Variants in HBS1L observed in about 807,000 individuals in gnomAD.
HBS1L encodes HBS1 like translational GTPase.
A neutral mutation model predicts 88.9 loss-of-function variants in HBS1L; 55 were observed. The observed-to-expected ratio is 0.62, with a 90% CI of 0.50 to 0.77. The LOEUF is 0.77. Among genes scored for constraint, HBS1L ranks in the 30% least tolerant of loss-of-function variants. The pLI is 0.00. For missense variants in HBS1L, 741 were observed against 829.3 expected, an observed-to-expected ratio of 0.89 and a Z score of 1.31; for synonymous variants, 267 against 288.5, an observed-to-expected ratio of 0.93 and a Z score of 0.76.
chr6:135,029,521 C>T (rs1776327925), intron 4 of HBS1L, among the ~76,000 whole-genome samples: 1 of 151,854 alleles, frequency 6.6e-6, no homozygotes, highest in Non-Finnish European at 1.5e-5. Context: ...AAAACATTTT[C>T]CAATTATCAG....
Position 134,964,108 on chromosome 6 carries a change from G to A in HBS1L, c.*1171C>T, listed in dbSNP as rs1774246054. 6.6e-6 allele frequency: 1 copy of A among 152,052 alleles called. No individual in the cohort carries two copies. The highest frequency in any genetic ancestry group is 1.5e-5 in the Non-Finnish European group (1 of 68,020). 9.4% of individuals were successfully genotyped at this position (152,052 alleles called of 1,614,324 possible). On this transcript the variant is annotated 3_prime_UTR_variant, in exon 18 of 18. Coordinates refer to ENST00000367837, the MANE Select transcript of HBS1L (RefSeq NM_006620.4). ...AGATGTTATTGCTTATGTTCAAAAT[G>A]TCAGGTTCACGAAAAGGTGCAGGGA...
At chr6:134,991,079 AC>A (rs1775122790) in intron 8 of HBS1L, among the ~76,000 whole-genome samples, 1 of 150,952 alleles carries the variant, frequency 6.6e-6, no homozygotes, top group Non-Finnish European at 1.5e-5. Flanking sequence ...ACACACACAC[AC>A]ACATATACAC....
intron 4 of HBS1L, among the ~76,000 whole-genome samples, chr6:135,033,804 G>A (rs1776455019): frequency 6.6e-6 from 1 of 151,766 alleles, no homozygotes; most frequent in Non-Finnish European, 1.5e-5. Flanking sequence ...AGTATTTGGG[G>A]ATTCATGTGC....
rs949577949 is a variant in HBS1L, at chr6:135,039,803, A to C, written c.236-36T>G. 6 of 1,519,562 alleles carry C rather than the reference A, an allele frequency of 3.9e-6. No individual in the cohort carries two copies. In the African/African-American group the frequency reaches 8.4e-5, roughly 21 times the overall value. The allele number at this position is 1,519,562 out of a possible 1,614,324, so 94.1% of individuals were successfully genotyped here. A position where few individuals can be genotyped will look rare whatever the true frequency, so the allele number is the denominator to read the frequency against. ...CGACAATGGTCAAAAGCTATACTAA[A>C]TGGTGCAATGAAAGAACTTTTAATC... On this transcript the variant is annotated intron_variant, in intron 3 of 17. Transcript: ENST00000367837.
chr6:134,978,588 G>C, intron 15 of HBS1L, 91 bp downstream of exon 15: 1 of 636,422 alleles, frequency 1.6e-6, no homozygotes, highest in South Asian at 2.4e-5. Context: ...AATAAATATA[G>C]TATCACCACT....
intron 4 of HBS1L, among the ~76,000 whole-genome samples, chr6:135,005,815 T>G (rs1775595047): frequency 3.3e-5 from 5 of 152,202 alleles, no homozygotes; most frequent in Admixed American, 3.3e-4. Flanking sequence ...GTTTAGGAAC[T>G]GCAAAATGAA....
chr6:135,006,665 T>C (rs950860043), intron 4 of HBS1L, among the ~76,000 whole-genome samples: 4 of 151,804 alleles, frequency 2.6e-5, no homozygotes, highest in Admixed American at 6.6e-5. Context: ...ACTAGGAAAA[T>C]AGATTGAGAA....
At chr6:135,023,399 G>A (rs551844216) in intron 4 of HBS1L, among the ~76,000 whole-genome samples, 6 of 152,018 alleles carry the variant, frequency 3.9e-5, no homozygotes, top group Non-Finnish European at 7.4e-5. Flanking sequence ...AGCCGATTTC[G>A]CGCCACTGCA....
chr6:135,015,255 A>G (rs1775886085), intron 4 of HBS1L, among the ~76,000 whole-genome samples: 1 of 152,244 alleles, frequency 6.6e-6, no homozygotes. Context: ...TACCTTCCTC[A>G]TAGAATCCTT....
intron 4 of HBS1L, among the ~76,000 whole-genome samples, chr6:135,010,539 G>C (rs1177569680): frequency 6.6e-6 from 1 of 152,046 alleles, no homozygotes; most frequent in African/African-American, 2.4e-5. Context: ...ATGATTTTAG[G>C]TGATAATAGG....
chr6:134,965,300 C>CAA lies in HBS1L; in HGVS notation c.2044-12_2044-11dup. On this transcript the variant is annotated splice_polypyrimidine_tract_variant and intron_variant, in intron 17 of 17. Transcript: ENST00000367837. The stretch of plus-strand genomic sequence containing the variant: ...CCCATCATTCTTTTATCTGTTAAAA[C>CAA]AAAAAAAAAAAAGACATTTGCTGTA... The CAA allele has an allele frequency of 6.3e-5, 84 of 1,330,446 alleles. No individual in the cohort carries two copies. The highest frequency in any genetic ancestry group is 1.2e-4 in the Admixed American group (6 of 48,870). 82.4% of individuals were successfully genotyped at this position (1,330,446 alleles called of 1,614,324 possible). A position where few individuals can be genotyped will look rare whatever the true frequency, so the allele number is the denominator to read the frequency against.
intron 16 of HBS1L, among the ~76,000 whole-genome samples, chr6:134,966,843 G>C (rs1044548584): frequency 2.7e-5 from 4 of 148,036 alleles, no homozygotes; most frequent in African/African-American, 5.3e-5. Flanking sequence ...GTTATACTAA[G>C]GCTTATTTCT....
Position 134,965,172 on chromosome 6 carries a change from TA to T in HBS1L, c.*106del. On this transcript the variant is annotated 3_prime_UTR_variant, in exon 18 of 18. Coordinates refer to ENST00000367837, the MANE Select transcript of HBS1L (RefSeq NM_006620.4). ...TTAGCTTTAATTTTTCTCTCTCATC[TA>T]AAAACATATCAATTGCACATTGTTC... 2 of 943,378 alleles carry T rather than the reference TA, an allele frequency of 2.1e-6. No individual in the cohort carries two copies. Among genetic ancestry groups the T allele is most frequent in the Non-Finnish European group, 1.7e-6 (1 of 583,026 alleles). 58.4% of individuals were successfully genotyped at this position (943,378 alleles called of 1,614,324 possible). A position where few individuals can be genotyped will look rare whatever the true frequency, so the allele number is the denominator to read the frequency against.
chr6:135,036,207 A>G, intron 4 of HBS1L: 1 of 938,200 alleles, frequency 1.1e-6, no homozygotes, highest in African/African-American at 1.8e-5. Context: ...TTCGTTTAAG[A>G]ACAAAGCACA....
In HBS1L at chr6:134,969,231, C is replaced by T. The variant is rs756247798; in HGVS notation, c.1898+7G>A. 7.0e-6 allele frequency: 11 copies of T among 1,574,920 alleles called. No homozygotes were observed. Among genetic ancestry groups the T allele is most frequent in the Non-Finnish European group, 7.0e-6 (8 of 1,145,214 alleles). On this transcript the variant is annotated splice_region_variant and intron_variant, in intron 16 of 17. Transcript: ENST00000367837. ...CTTGTTTATCATTTCTGTATTAAAA[C>T]ACTCACTTAGGCTTTTTCTTTGTGA...
chr6:135,053,270 T>C (rs1777144618), intron 1 of HBS1L, among the ~76,000 whole-genome samples: 1 of 152,182 alleles, frequency 6.6e-6, no homozygotes, highest in African/African-American at 2.4e-5. Flanking sequence ...CTCAGTACCT[T>C]TTGTAGCATT....
chr6:134,990,935 T>C (rs1775115594), intron 8 of HBS1L, among the ~76,000 whole-genome samples: 1 of 152,122 alleles, frequency 6.6e-6, no homozygotes, highest in Admixed American at 6.5e-5. Context: ...CTTCTGGTGT[T>C]TGTCTCGCCC....
Position 134,986,781 on chromosome 6 carries a change from C to G in HBS1L, c.1260G>C (p.Glu420Asp). The G allele has an allele frequency of 5.1e-6, 8 of 1,570,042 alleles. No homozygotes were observed. Among genetic ancestry groups the G allele is most frequent in the Non-Finnish European group, 6.9e-6 (8 of 1,157,364 alleles). ...QVNWQQERFQ[E>D]ITGKLGHFLK... ...GAAAGTGCCCAAGTTTTCCAGTAAT[C>G]TCTTGAAACCTTTCTTGTTGCCAAT... Residue 420 changes from glutamate (E) to aspartate (D), a missense_variant, in exon 10 of 18, where the codon GAG (glutamate) becomes GAC (aspartate). Around this residue, in one of 3 missense-constraint regions of HBS1L, gnomAD observed 556 missense variants for 598.4 expected, o/e 0.93. Coordinates refer to ENST00000367837, the MANE Select transcript of HBS1L (RefSeq NM_006620.4).
intron 7 of HBS1L, among the ~76,000 whole-genome samples, chr6:134,994,124 T>C (rs1775223216): frequency 6.6e-6 from 1 of 152,118 alleles, no homozygotes; most frequent in Non-Finnish European, 1.5e-5. Flanking sequence ...TTATGCCCTA[T>C]TATCTTATTT....
Sources: gnomAD v4.1 joint callset for allele counts (sites outside exome capture counted in the v4.1 genomes callset) on GRCh38, gnomAD v4.1.1 for gene constraint, gnomAD v4.1.1 regional missense constraint, MANE v1.5 for transcripts, NCBI Gene and HGNC (gene_info 2026-07-23, HGNC 2026-07-21) for gene names.